Variants in MEIS2 observed in about 807,000 individuals in gnomAD.
MEIS2 encodes the protein homeobox protein Meis2.
In MEIS2, 9 loss-of-function variants were observed where a neutral mutation model predicts 58.6. The observed-to-expected ratio is 0.15, with a 90% CI of 0.09 to 0.27. MEIS2 has a LOEUF of 0.27. Ranked by LOEUF, MEIS2 falls within the 10% of genes least tolerant of loss-of-function variation. The probability of loss-of-function intolerance (pLI) is 1.00; values close to 1 mark genes in which losing one functional copy is unlikely to be tolerated. For synonymous variants in MEIS2, 221 were observed against 228.4 expected (o/e 0.97, Z 0.29); for missense variants, 427 against 635.0 (o/e 0.67, Z 3.52).
At chr15:36,972,745 C>A (rs1461999816) in intron 8 of MEIS2, 1 of 152,012 alleles carries the variant, frequency 6.6e-6, no homozygotes, top group East Asian at 1.9e-4. Context: ...ATAACAAATT[C>A]TTTTTTTCTA....
chr15:36,999,957 G>A (rs191195741), intron 8 of MEIS2, among the ~76,000 whole-genome samples: 2 of 152,218 alleles, frequency 1.3e-5, no homozygotes, highest in East Asian at 3.9e-4. Flanking sequence ...AAGTCAAAGA[G>A]TCACCAGGCC....
chr15:37,036,719 G>A, intron 8 of MEIS2, 95 bp downstream of exon 8: 4 of 1,336,134 alleles, frequency 3.0e-6, no homozygotes, highest in Admixed American at 2.6e-5. Flanking sequence ...TAAGAAAATA[G>A]GCACCTTAGT....
At chr15:37,066,634 T>C (rs528521223) in intron 7 of MEIS2, 2 of 152,300 alleles carry the variant, frequency 1.3e-5, no homozygotes, top group African/African-American at 4.8e-5. Context: ...CAGACATAAC[T>C]TGAGTTTTAA....
At chr15:37,059,940 C>A (rs200867317) in intron 7 of MEIS2, among the ~76,000 whole-genome samples, 9 of 150,846 alleles carry the variant, frequency 6.0e-5, no homozygotes, top group African/African-American at 2.2e-4. Flanking sequence ...AAAAAAAATT[C>A]TTTTTTTAGA....
intron 9 of MEIS2, among the ~76,000 whole-genome samples, chr15:36,947,513 T>A (rs969589205): frequency 3.9e-5 from 6 of 152,006 alleles, no homozygotes; most frequent in Non-Finnish European, 8.8e-5. Context: ...TCAGTGCTGC[T>A]TAACTACCCT....
At chr15:37,095,468 T>C in intron 4 of MEIS2, 96 bp downstream of exon 4, 2 of 1,579,526 alleles carry the variant, frequency 1.3e-6, no homozygotes, top group South Asian at 2.2e-5. Flanking sequence ...AAAAGAGGGT[T>C]CTGTTCTAAC....
At chr15:37,010,527 C>T (rs1464564399) in intron 8 of MEIS2, among the ~76,000 whole-genome samples, 1 of 152,078 alleles carries the variant, frequency 6.6e-6, no homozygotes, top group Non-Finnish European at 1.5e-5. Context: ...GGACTACAGA[C>T]GCATGCCACC....
chr15:37,011,104 G>A lies in MEIS2; in HGVS notation c.900+25710C>T, dbSNP rs373406747. 2.0e-4 allele frequency among the ~76,000 whole-genome samples: 30 copies of A among 152,294 alleles called. No individual in the cohort carries two copies. In the East Asian group the frequency reaches 4.1e-3, roughly 21 times the overall value. On this transcript the variant is annotated intron_variant, in intron 8 of 11. Transcript: ENST00000561208. ...TGAAATGTCATGTAGTCTATAGACCGTCCTCCAGATGAACACATGTAAATA... is the reference window on the plus strand; with the variant it reads ...TGAAATGTCATGTAGTCTATAGACCATCCTCCAGATGAACACATGTAAATA...
chr15:37,099,571 A>G lies in MEIS2; in HGVS notation c.-105T>C. The G allele has an allele frequency of 6.6e-7, 1 of 1,519,204 alleles. No individual in the cohort carries two copies. Among genetic ancestry groups the G allele is most frequent in the Non-Finnish European group, 9.0e-7 (1 of 1,116,390 alleles). 94.1% of individuals were successfully genotyped at this position (1,519,204 alleles called of 1,614,324 possible). A position where few individuals can be genotyped will look rare whatever the true frequency, so the allele number is the denominator to read the frequency against. On this transcript the variant is annotated 5_prime_UTR_variant, in exon 1 of 12. Coordinates refer to ENST00000561208, the MANE Select transcript of MEIS2 (RefSeq NM_170675.5). ...GATTCCTTTTTTTTTTTTCCAAACC[A>G]AAGAGACTTCTCCCAATTCTCCAAT...
intron 7 of MEIS2, among the ~76,000 whole-genome samples, chr15:37,048,915 C>G (rs1014118458): frequency 6.6e-6 from 1 of 152,076 alleles, no homozygotes; most frequent in Admixed American, 6.6e-5. Flanking sequence ...TATTTGTTAG[C>G]TATTAGAAAA....
intron 8 of MEIS2, among the ~76,000 whole-genome samples, chr15:37,006,860 C>G (rs1453633687): frequency 6.6e-6 from 1 of 152,134 alleles, no homozygotes; most frequent in Non-Finnish European, 1.5e-5. Context: ...TCTTTCCAGG[C>G]CAGACCCAGT....
At chr15:37,098,353 G>A (rs1371021216) in intron 1 of MEIS2, 154 bp from the exon 2 acceptor site, 44 of 1,170,430 alleles carry the variant, frequency 3.8e-5, no homozygotes, top group Non-Finnish European at 1.5e-5. Flanking sequence ...AGAGAAGAGA[G>A]GAGGAGGAGG....
At chr15:36,930,847 A>T (rs1194761) in intron 9 of MEIS2, among the ~76,000 whole-genome samples, 15,112 of 152,258 alleles carry the variant, frequency 0.099, 852 homozygotes, top group East Asian at 0.21. Flanking sequence ...GTGAAATACA[A>T]AAGTGAAATT....
chr15:36,934,022 G>T (rs1399726201), intron 9 of MEIS2, among the ~76,000 whole-genome samples: 1 of 152,106 alleles, frequency 6.6e-6, no homozygotes, highest in African/African-American at 2.4e-5. Context: ...TCACATAAAT[G>T]CATTAGGGCA....
At chr15:37,017,327 G>A (rs1204292988) in intron 8 of MEIS2, among the ~76,000 whole-genome samples, 1 of 152,168 alleles carries the variant, frequency 6.6e-6, no homozygotes, top group Non-Finnish European at 1.5e-5. Flanking sequence ...GTGTGGGCGG[G>A]GTTGGTGGCT....
chr15:36,956,973 T>C (rs1283272836), intron 8 of MEIS2, among the ~76,000 whole-genome samples: 2 of 151,610 alleles, frequency 1.3e-5, no homozygotes, highest in African/African-American at 4.8e-5. Context: ...AAGAAATGAT[T>C]CATTTTGCTT....
chr15:36,939,131 A>G (rs1595766291), intron 9 of MEIS2, among the ~76,000 whole-genome samples: 2 of 152,184 alleles, frequency 1.3e-5, no homozygotes, highest in East Asian at 3.9e-4. Context: ...TTCAAAACTA[A>G]CTTCCAATCT....
intron 8 of MEIS2, among the ~76,000 whole-genome samples, chr15:37,011,561 A>G (rs2061155295): frequency 6.8e-6 from 1 of 147,564 alleles, no homozygotes. Context: ...AAATTCTGTG[A>G]GCAATATGAA....
At chr15:36,903,394 T>C (rs1262826899) in intron 9 of MEIS2, among the ~76,000 whole-genome samples, 1 of 152,200 alleles carries the variant, frequency 6.6e-6, no homozygotes, top group African/African-American at 2.4e-5. Flanking sequence ...CCTAAGTCAA[T>C]AGACATAAGT....
Sources: gnomAD v4.1 joint callset for allele counts (sites outside exome capture counted in the v4.1 genomes callset) on GRCh38, gnomAD v4.1.1 for gene constraint, MANE v1.5 for transcripts, NCBI Gene and HGNC (gene_info 2026-07-23, HGNC 2026-07-21) for gene names.